The following TERB1 variants were observed in gnomAD, a reference collection of about 807,000 sequenced individuals.
TERB1 encodes telomere repeats-binding bouquet formation protein 1.
A neutral mutation model predicts 92.3 loss-of-function variants in TERB1; 63 were observed. That is an observed-to-expected ratio of 0.68 (90% CI 0.56 to 0.84). The LOEUF is 0.84. TERB1 is among the 40% of genes least tolerant of loss of function. The pLI is 0.00. For synonymous variants in TERB1, 252 were observed against 283.9 expected (o/e 0.89, Z 1.13); for missense variants, 709 against 843.7 (o/e 0.84, Z 1.98).
In TERB1 at chr16:66,754,755, T is replaced by A. The variant is rs1699993153; in HGVS notation, c.*221A>T. 2 of 479,126 alleles carry A rather than the reference T, an allele frequency of 4.2e-6. No individual in the cohort carries two copies. Among genetic ancestry groups the A allele is most frequent in the African/African-American group, 4.0e-5 (2 of 49,834 alleles). 29.7% of individuals were successfully genotyped at this position (479,126 alleles called of 1,614,324 possible). A position where few individuals can be genotyped will look rare whatever the true frequency, so the allele number is the denominator to read the frequency against. On this transcript the variant is annotated 3_prime_UTR_variant, in exon 19 of 19. Coordinates refer to ENST00000433154, the MANE Select transcript of TERB1 (RefSeq NM_001136505.2). ...AGCATATTCCTAAACAAATGTTTGATCTTATGAAGGAATTTTCTTACTAAT... is the reference window on the plus strand; with the variant it reads ...AGCATATTCCTAAACAAATGTTTGAACTTATGAAGGAATTTTCTTACTAAT...
rs1392948490 is a variant in TERB1, at chr16:66,755,059, G to C, written c.2101C>G (p.Pro701Ala). The change falls in exon 19 of 19, where the codon CCC (proline) becomes GCC (alanine). Residue 701 changes from proline (P) to alanine (A), a missense_variant. By Grantham distance (27) the Pro-to-Ala change is conservative (BLOSUM62 -1). Coordinates refer to ENST00000433154, the MANE Select transcript of TERB1 (RefSeq NM_001136505.2). Reference sequence around the variant, plus strand: ...ACAGCCTTCCGTCCTTGCTGAAAGGGGAAAGACCACAAAATTGAATTCCAG... The same window carrying C: ...ACAGCCTTCCGTCCTTGCTGAAAGGCGAAAGACCACAAAATTGAATTCCAG... ...NHWNSILWSFPFQQGRKAVDL... is the reference protein window; with the variant it reads ...NHWNSILWSFAFQQGRKAVDL... 17 of 1,551,568 alleles carry C rather than the reference G, an allele frequency of 1.1e-5. No individual in the cohort carries two copies. Among genetic ancestry groups the C allele is most frequent in the Non-Finnish European group, 1.4e-5 (16 of 1,146,952 alleles).
At position 66,774,683 on chromosome 16, in the gene TERB1, C is replaced by CCTTTT. The variant is rs386384962; in HGVS notation, c.1111+434_1111+435insAAAAG. The stretch of plus-strand genomic sequence containing the variant: ...TGTCCAAATTTTATACTCTGATTTT[C>CCTTTT]TTTTTTTTTTTTTTTTTGAGACAGG... On this transcript the variant is annotated intron_variant, in intron 12 of 18. Coordinates refer to ENST00000433154, the MANE Select transcript of TERB1 (RefSeq NM_001136505.2). Among the ~76,000 whole-genome samples, 7 of 40,218 alleles carry CCTTTT rather than the reference C, an allele frequency of 1.7e-4. 1 individual carries two copies. The highest frequency in any genetic ancestry group is 1.4e-4 in the African/African-American group (1 of 6,986). 26.4% of individuals were successfully genotyped at this position (40,218 alleles called of 152,430 possible).
chr16:66,788,286 G>A lies in TERB1; in HGVS notation c.283C>T (p.Gln95Ter). The A allele has an allele frequency of 6.7e-7, 1 of 1,489,988 alleles. No individual in the cohort carries two copies. The highest frequency in any genetic ancestry group is 8.9e-7 in the Non-Finnish European group (1 of 1,125,004). The allele number at this position is 1,489,988 out of a possible 1,614,324, so 92.3% of individuals were successfully genotyped here. The change falls in exon 6 of 19, where the codon CAG (glutamine) becomes TAG (stop). Residue 95 changes from glutamine to a stop codon, truncating the protein, a stop_gained. Transcript: ENST00000433154. LOFTEE classifies it high-confidence loss of function. ...AACAACTCTGAAGTACACAAAGTCT[G>A]CTGACAGTAAACTGAAATATAAAAT... Reference protein sequence around the residue: ...AIAEKNVYCQQTLCTSELFED... With the variant: ...AIAEKNVYCQ
intron 14 of TERB1, 85 bp downstream of exon 14, chr16:66,769,878 C>T (rs1184451728): frequency 1.1e-6 from 1 of 914,076 alleles, no homozygotes. Context: ...TTCTACATGC[C>T]CAATATTTAA....
At chr16:66,765,653 T>G (rs919224708) in intron 16 of TERB1, among the ~76,000 whole-genome samples, 1 of 151,582 alleles carries the variant, frequency 6.6e-6, no homozygotes, top group African/African-American at 2.4e-5. Context: ...AGACGGGGTT[T>G]CACCGTGTTG....
At chr16:66,784,264 G>T (rs2018683847) in intron 9 of TERB1, among the ~76,000 whole-genome samples, 1 of 150,786 alleles carries the variant, frequency 6.6e-6, no homozygotes, top group African/African-American at 2.4e-5. Flanking sequence ...TATTTCCTTT[G>T]TTATGCTTAT....
chr16:66,770,825 G>A (rs2018435149), intron 13 of TERB1, among the ~76,000 whole-genome samples: 1 of 151,952 alleles, frequency 6.6e-6, no homozygotes. Context: ...TATGTATAAA[G>A]CATATATCTT....
rs201985528 is a variant in TERB1 at position 66,771,773 on chromosome 16, AT to A, written c.1272+815del. 9.8e-5 allele frequency among the ~76,000 whole-genome samples: 15 copies of A among 152,308 alleles called. No individual in the cohort carries two copies. In the East Asian group the frequency reaches 2.9e-3, roughly 29 times the overall value. On this transcript the variant is annotated intron_variant, in intron 13 of 18. Coordinates refer to ENST00000433154, the MANE Select transcript of TERB1 (RefSeq NM_001136505.2). ...CATCAATAAAGGACTGGTTAAATCA[AT>A]TATGGCACATCTGCAATAGTGAATA...
At chr16:66,771,881 A>G (rs1055388926) in intron 13 of TERB1, among the ~76,000 whole-genome samples, 9 of 152,210 alleles carry the variant, frequency 5.9e-5, no homozygotes. Flanking sequence ...ACATATGCAT[A>G]TACAAAAACA....
intron 16 of TERB1, among the ~76,000 whole-genome samples, chr16:66,760,065 G>A (rs8059898): frequency 0.44 from 48,470 of 110,966 alleles, 10,672 homozygotes; most frequent in East Asian, 0.58. Flanking sequence ...CCCGCCAGGC[G>A]GAGGTTGCAG....
At chr16:66,793,039 A>T (rs1548537) in intron 3 of TERB1, among the ~76,000 whole-genome samples, 1 of 150,278 alleles carries the variant, frequency 6.7e-6, no homozygotes, top group Non-Finnish European at 1.5e-5. Context: ...TTGCACTCCA[A>T]CCTGGACAAT....
intron 18 of TERB1, 55 bp from the exon 19 acceptor site, chr16:66,755,218 G>T: frequency 9.4e-7 from 1 of 1,068,174 alleles, no homozygotes; most frequent in Non-Finnish European, 1.4e-6. Flanking sequence ...GTCCTGAGAT[G>T]CAAATAAGTG....
upstream of TERB1, among the ~76,000 whole-genome samples, chr16:66,801,883 C>T (rs1304173551): frequency 1.3e-5 from 2 of 152,212 alleles, no homozygotes; most frequent in Non-Finnish European, 2.9e-5. Flanking sequence ...AAGCACAGGA[C>T]GGCGAAGCCC....
chr16:66,757,984 A>C (rs1303283083), intron 18 of TERB1, among the ~76,000 whole-genome samples: 1 of 152,212 alleles, frequency 6.6e-6, no homozygotes, highest in Non-Finnish European at 1.5e-5. Context: ...TGTTTCAAGC[A>C]CTATAGTTAT....
intron 5 of TERB1, among the ~76,000 whole-genome samples, chr16:66,789,035 A>G (rs571887279): frequency 1.3e-4 from 20 of 151,346 alleles, no homozygotes; most frequent in Non-Finnish European, 2.2e-4. Context: ...AAAAAAAAAA[A>G]AAAGAAAGAA....
chr16:66,773,095 G>A (rs777456218), intron 12 of TERB1, among the ~76,000 whole-genome samples: 4 of 151,504 alleles, frequency 2.6e-5, no homozygotes, highest in East Asian at 1.9e-4. Context: ...TTGGGATGCC[G>A]AGGCGGGAGG....
chr16:66,779,235 T>C (rs1447168388), intron 9 of TERB1, among the ~76,000 whole-genome samples: 1 of 152,216 alleles, frequency 6.6e-6, no homozygotes, highest in Non-Finnish European at 1.5e-5. Context: ...ACAGTATTTC[T>C]TGTGTACTAG....
At chr16:66,764,923 T>A (rs554727202) in intron 16 of TERB1, among the ~76,000 whole-genome samples, 196 of 152,316 alleles carry the variant, frequency 1.3e-3, no homozygotes, top group Admixed American at 3.4e-3. Flanking sequence ...AGAATAAGGC[T>A]ATAGCCCACG....
intron 9 of TERB1, 73 bp downstream of exon 9, chr16:66,785,713 T>A (rs191575951): frequency 1.5e-6 from 2 of 1,367,580 alleles, no homozygotes; most frequent in Admixed American, 6.0e-5. Flanking sequence ...GATTCAATAA[T>A]AAATTCAATC....
Sources: allele counts gnomAD v4.1 joint callset (sites outside exome capture counted in the v4.1 genomes callset), GRCh38; gene constraint gnomAD v4.1.1; transcripts MANE v1.5; gene names NCBI Gene and HGNC (gene_info 2026-07-23, HGNC 2026-07-21).